The following HS3ST4 variants were observed in gnomAD, a reference collection of about 807,000 sequenced individuals.
HS3ST4 encodes the protein heparan sulfate-glucosamine 3-sulfotransferase 4, also known as heparan sulfate glucosamine 3-O-sulfotransferase 4.
In HS3ST4, 17 loss-of-function variants were observed where a neutral mutation model predicts 29.2. That is an observed-to-expected ratio of 0.58 (90% CI 0.40 to 0.87). HS3ST4 has a LOEUF of 0.87. HS3ST4 is among the 40% of genes least tolerant of loss of function. The pLI, the probability that HS3ST4 is intolerant of heterozygous loss-of-function variation, is 0.00. For missense variants in HS3ST4, 627 were observed against 634.5 expected, an observed-to-expected ratio of 0.99 and a Z score of 0.13; for synonymous variants, 314 against 285.7, an observed-to-expected ratio of 1.10 and a Z score of -1.00.
At chr16:25,952,785 G>A (rs1218789617) in intron 1 of HS3ST4, among the ~76,000 whole-genome samples, 1 of 152,112 alleles carries the variant, frequency 6.6e-6, no homozygotes, top group Non-Finnish European at 1.5e-5. Flanking sequence ...TACAGGGCTT[G>A]GGAATTTTAC....
intron 1 of HS3ST4, among the ~76,000 whole-genome samples, chr16:25,720,141 A>G (rs1405991316): frequency 6.6e-6 from 1 of 152,232 alleles, no homozygotes; most frequent in Admixed American, 6.5e-5. Flanking sequence ...CTTGTGGGAT[A>G]GATCACTGAA....
chr16:25,793,770 A>T lies in HS3ST4; in HGVS notation c.734+100619A>T, dbSNP rs1193802290. Among the ~76,000 whole-genome samples, 3 of 152,008 alleles carry T rather than the reference A, an allele frequency of 2.0e-5. No homozygotes were observed. In the South Asian group the frequency reaches 6.2e-4, roughly 31 times the overall value. On this transcript the variant is annotated intron_variant, in intron 1 of 1. Coordinates refer to ENST00000331351, the MANE Select transcript of HS3ST4 (RefSeq NM_006040.3). ...ATTTAGACTATATTTAATTACTGATATGCTGGGATTTATAAATATTATATA... is the reference window on the plus strand; with the variant it reads ...ATTTAGACTATATTTAATTACTGATTTGCTGGGATTTATAAATATTATATA...
intron 1 of HS3ST4, among the ~76,000 whole-genome samples, chr16:25,977,695 C>G (rs891698300): frequency 1.3e-5 from 2 of 152,164 alleles, no homozygotes; most frequent in Non-Finnish European, 2.9e-5. Flanking sequence ...ATTCAAATCC[C>G]CAGTCCCAAG....
intron 1 of HS3ST4, among the ~76,000 whole-genome samples, chr16:26,117,205 C>T (rs1011951717): frequency 7.2e-5 from 11 of 152,172 alleles, no homozygotes; most frequent in South Asian, 4.1e-4. Context: ...TTCAGGCCAT[C>T]GAACCATTTG....
intron 1 of HS3ST4, among the ~76,000 whole-genome samples, chr16:25,756,909 A>G (rs1275384836): frequency 6.6e-6 from 1 of 152,236 alleles, no homozygotes; most frequent in African/African-American, 2.4e-5. Flanking sequence ...ACTGAAGTGA[A>G]ATTTGTTACA....
At chr16:26,128,864 A>G (rs1899380157) in intron 1 of HS3ST4, among the ~76,000 whole-genome samples, 1 of 151,120 alleles carries the variant, frequency 6.6e-6, no homozygotes, top group Admixed American at 6.6e-5. Context: ...GTGCAGGGGA[A>G]CTGGCCCTGC....
In HS3ST4 at chr16:25,899,935, C is replaced by T. The variant is rs1968105966; in HGVS notation, c.734+206784C>T. Among the ~76,000 whole-genome samples, 4 of 152,314 alleles carry T rather than the reference C, an allele frequency of 2.6e-5. No homozygotes were observed. In the South Asian group the frequency reaches 8.3e-4, roughly 32 times the overall value. On this transcript the variant is annotated intron_variant, in intron 1 of 1. Transcript: ENST00000331351. ...GGAAGGAAGAATAGAAAGGAGCACA[C>T]ATCCCATTAGGAAATCATGAAGCTG... is the stretch of plus-strand genomic sequence containing the variant.
At chr16:25,815,091 A>G (rs1967079896) in intron 1 of HS3ST4, among the ~76,000 whole-genome samples, 2 of 152,234 alleles carry the variant, frequency 1.3e-5, no homozygotes, top group Non-Finnish European at 2.9e-5. Flanking sequence ...CTGTGCAGAA[A>G]GCAAATCTGA....
intron 1 of HS3ST4, among the ~76,000 whole-genome samples, chr16:26,112,074 C>A (rs187175212): frequency 2.1e-3 from 318 of 151,576 alleles, no homozygotes; most frequent in Non-Finnish European, 3.4e-3. Context: ...TAAACTCTTG[C>A]CCCAGTAGAT....
At chr16:25,905,701 C>T (rs1222991386) in intron 1 of HS3ST4, among the ~76,000 whole-genome samples, 2 of 152,212 alleles carry the variant, frequency 1.3e-5, no homozygotes, top group African/African-American at 2.4e-5. Flanking sequence ...AAATCAAACA[C>T]ACATACTAGA....
Position 25,692,783 on chromosome 16 carries a change from G to T in HS3ST4, c.366G>T (p.Gly122=). The change falls in exon 1 of 2, where the codon GGG becomes GGT. Residue 122 remains glycine (G), a synonymous_variant. Coordinates refer to ENST00000331351, the MANE Select transcript of HS3ST4 (RefSeq NM_006040.3). ...PEPPEQPAAP[G]TDGWGLPSGG... ...CCCCAGAGCAGCCAGCCGCCCCCGG[G>T]ACCGACGGCTGGGGGCTGCCGAGCG... 4 of 1,365,876 alleles carry T rather than the reference G, an allele frequency of 2.9e-6. No homozygotes were observed. Among genetic ancestry groups the T allele is most frequent in the South Asian group, 1.8e-5 (1 of 55,172 alleles). 84.6% of individuals were successfully genotyped at this position (1,365,876 alleles called of 1,614,324 possible).
chr16:25,991,036 A>G (rs1259558148), intron 1 of HS3ST4, among the ~76,000 whole-genome samples: 1 of 151,770 alleles, frequency 6.6e-6, no homozygotes, highest in East Asian at 1.9e-4. Context: ...AGAAACCCAG[A>G]GCGTCACCGG....
At chr16:26,128,781 A>G (rs991557165) in intron 1 of HS3ST4, among the ~76,000 whole-genome samples, 2 of 152,150 alleles carry the variant, frequency 1.3e-5, no homozygotes, top group Admixed American at 1.3e-4. Flanking sequence ...AACTAGGATA[A>G]TACGTGAAAT....
intron 1 of HS3ST4, among the ~76,000 whole-genome samples, chr16:26,122,371 T>A (rs1056639552): frequency 5.3e-5 from 8 of 152,182 alleles, no homozygotes; most frequent in African/African-American, 1.9e-4. Flanking sequence ...TTAATTGTGT[T>A]GTATGGTGGT....
intron 1 of HS3ST4, among the ~76,000 whole-genome samples, chr16:25,999,866 A>T (rs1567290793): frequency 1.6e-5 from 2 of 128,130 alleles, no homozygotes; most frequent in Non-Finnish European, 3.2e-5. Flanking sequence ...TATATATATT[A>T]TATATTTTAT....
At chr16:26,086,860 A>G (rs572162905) in intron 1 of HS3ST4, among the ~76,000 whole-genome samples, 29 of 152,220 alleles carry the variant, frequency 1.9e-4, no homozygotes, top group African/African-American at 6.7e-4. Context: ...TTTTCTGACA[A>G]CCTGATCTTG....
At chr16:25,751,195 T>C (rs1966717125) in intron 1 of HS3ST4, among the ~76,000 whole-genome samples, 1 of 152,212 alleles carries the variant, frequency 6.6e-6, no homozygotes, top group African/African-American at 2.4e-5. Context: ...TTGCAATGGC[T>C]GATTGACACA....
intron 1 of HS3ST4, among the ~76,000 whole-genome samples, chr16:25,930,778 C>A (rs1244759913): frequency 6.6e-6 from 1 of 152,154 alleles, no homozygotes. Flanking sequence ...GGGATCCCAG[C>A]AGAATGAGAT....
At position 25,828,243 on chromosome 16, in the gene HS3ST4, T is replaced by TTTC. The variant is rs1567249309; in HGVS notation, c.734+135092_734+135093insTTC. Among the ~76,000 whole-genome samples, 60 of 22,556 alleles carry TTTC rather than the reference T, an allele frequency of 2.7e-3. 2 individuals carry two copies. Among genetic ancestry groups the TTTC allele is most frequent in the African/African-American group, 0.012 (58 of 5,000 alleles). 14.8% of individuals were successfully genotyped at this position (22,556 alleles called of 152,430 possible). Reference sequence around the variant, plus strand: ...TTTCCTTTCTTTCTTTCTTTCTTTCTCTTTCTTTCTTTCTTTCTTTCTTTC... The same window carrying TTTC: ...TTTCCTTTCTTTCTTTCTTTCTTTCTTTCCTTTCTTTCTTTCTTTCTTTCTTTC... On this transcript the variant is annotated intron_variant, in intron 1 of 1. Coordinates refer to ENST00000331351, the MANE Select transcript of HS3ST4 (RefSeq NM_006040.3).
Sources: gnomAD v4.1 joint callset for allele counts (sites outside exome capture counted in the v4.1 genomes callset) on GRCh38, gnomAD v4.1.1 for gene constraint, MANE v1.5 for transcripts, NCBI Gene and HGNC (gene_info 2026-07-23, HGNC 2026-07-21) for gene names.